The following GRIA1 variants were observed in gnomAD, a reference collection of about 807,000 sequenced individuals.
GRIA1 encodes glutamate receptor 1.
A neutral mutation model predicts 99.2 loss-of-function variants in GRIA1; 31 were observed. The observed-to-expected ratio is 0.31, with a 90% CI of 0.23 to 0.42. The LOEUF (loss-of-function observed/expected upper bound fraction) is 0.42. GRIA1 is among the 10% of genes least tolerant of loss of function. The probability of loss-of-function intolerance (pLI) is 1.00; values close to 1 mark genes in which losing one functional copy is unlikely to be tolerated. For missense variants in GRIA1, 782 were observed against 1,157.5 expected (o/e 0.68, Z 4.71); for synonymous variants, 438 against 432.4 (o/e 1.01, Z -0.16).
At chr5:153,650,036 A>G (rs1405679182) in intron 3 of GRIA1, among the ~76,000 whole-genome samples, 1 of 152,190 alleles carries the variant, frequency 6.6e-6, no homozygotes, top group Non-Finnish European at 1.5e-5. Context: ...ACCACACTTT[A>G]CCTTTGAAGA....
At chr5:153,539,133 A>G (rs908303159) in intron 2 of GRIA1, among the ~76,000 whole-genome samples, 1 of 152,224 alleles carries the variant, frequency 6.6e-6, no homozygotes, top group East Asian at 1.9e-4. Flanking sequence ...TGTATTTATC[A>G]TATCTGTGCA....
intron 2 of GRIA1, among the ~76,000 whole-genome samples, chr5:153,524,410 T>C (rs1263606844): frequency 6.6e-6 from 1 of 152,130 alleles, no homozygotes; most frequent in African/African-American, 2.4e-5. Flanking sequence ...AAGATTATGC[T>C]TTGAGAAATC....
chr5:153,523,057 C>G (rs1209089002), intron 2 of GRIA1, among the ~76,000 whole-genome samples: 1 of 128,634 alleles, frequency 7.8e-6, no homozygotes, highest in Non-Finnish European at 1.7e-5. Flanking sequence ...AATGATCCAT[C>G]TTGCAGACCT....
At chr5:153,693,539 G>A (rs1008582691) in intron 8 of GRIA1, among the ~76,000 whole-genome samples, 5 of 152,250 alleles carry the variant, frequency 3.3e-5, no homozygotes, top group African/African-American at 1.2e-4. Flanking sequence ...GTGCAATATA[G>A]ATCAATTGAA....
intron 8 of GRIA1, 54 bp downstream of exon 8, chr5:153,686,383 C>A: frequency 7.6e-7 from 1 of 1,321,906 alleles, no homozygotes; most frequent in Non-Finnish European, 1.1e-6. Flanking sequence ...AGCAGGGACT[C>A]TGGCCAGAGC....
At chr5:153,512,236 C>T (rs1017078159) in intron 2 of GRIA1, among the ~76,000 whole-genome samples, 3 of 152,086 alleles carry the variant, frequency 2.0e-5, no homozygotes, top group Admixed American at 2.0e-4. Flanking sequence ...CTATTTATTA[C>T]AGAAATTATA....
chr5:153,524,258 C>T (rs996643760), intron 2 of GRIA1, among the ~76,000 whole-genome samples: 9 of 152,216 alleles, frequency 5.9e-5, no homozygotes, highest in South Asian at 4.2e-4. Flanking sequence ...ACCTTGGAGG[C>T]GGAGGTTGCA....
chr5:153,564,224 G>A (rs1761415353), intron 2 of GRIA1, among the ~76,000 whole-genome samples: 1 of 152,154 alleles, frequency 6.6e-6, no homozygotes, highest in African/African-American at 2.4e-5. Context: ...TGTTTGCCAG[G>A]GTAAATATTC....
chr5:153,778,190 AGAGTGTGTGTGT>A (rs1402386163), intron 13 of GRIA1, among the ~76,000 whole-genome samples: 45 of 141,572 alleles, frequency 3.2e-4, no homozygotes, highest in East Asian at 1.1e-3. Flanking sequence ...AGAGAGAGAG[AGAGTGTGTGTGT>A]GTGTGTGTGT....
At chr5:153,705,427 A>G (rs1225003421) in intron 10 of GRIA1, among the ~76,000 whole-genome samples, 2 of 152,138 alleles carry the variant, frequency 1.3e-5, no homozygotes, top group Non-Finnish European at 2.9e-5. Context: ...AGATACCACA[A>G]CAGCTTCCTT....
intron 2 of GRIA1, among the ~76,000 whole-genome samples, chr5:153,548,266 A>G (rs1581211623): frequency 6.6e-6 from 1 of 152,210 alleles, no homozygotes; most frequent in Non-Finnish European, 1.5e-5. Context: ...GTTCATAAAA[A>G]TTAGCTCAGC....
At chr5:153,793,016 G>C (rs1461266353) in intron 13 of GRIA1, among the ~76,000 whole-genome samples, 2 of 152,146 alleles carry the variant, frequency 1.3e-5, no homozygotes, top group Non-Finnish European at 2.9e-5. Flanking sequence ...CCACAGTCTA[G>C]TTAGCTGCCC....
At chr5:153,504,904 A>G (rs1755346674) in intron 2 of GRIA1, among the ~76,000 whole-genome samples, 1 of 151,894 alleles carries the variant, frequency 6.6e-6, no homozygotes, top group African/African-American at 2.4e-5. Context: ...TTGTGCACAA[A>G]CTCTTTAACA....
chr5:153,769,934 GTAAT>G (rs1274264346), intron 12 of GRIA1, among the ~76,000 whole-genome samples: 1 of 152,074 alleles, frequency 6.6e-6, no homozygotes, highest in African/African-American at 2.4e-5. Flanking sequence ...TTACTCAGAA[GTAAT>G]TAAAAGATCT....
chr5:153,645,705 G>A (rs1353140251), intron 2 of GRIA1, among the ~76,000 whole-genome samples: 1 of 152,134 alleles, frequency 6.6e-6, no homozygotes, highest in Non-Finnish European at 1.5e-5. Context: ...GTCGCATACT[G>A]TAATTTGAGA....
At position 153,566,304 on chromosome 5, in the gene GRIA1, C is replaced by CCTTT. The variant is rs537995524; in HGVS notation, c.220+72239_220+72240insCTTT. ...GAGAAATAGCTCTCCAATTCCCTGC[C>CCTTT]TTTTTTTTTTTTTTTTCCAGAGACA... On this transcript the variant is annotated intron_variant, in intron 2 of 15. Transcript: ENST00000285900. 1.6e-3 allele frequency among the ~76,000 whole-genome samples: 59 copies of CCTTT among 36,562 alleles called. 3 individuals are homozygous for CCTTT. Among genetic ancestry groups the CCTTT allele is most frequent in the African/African-American group, 4.5e-3 (59 of 13,104 alleles). 24.0% of individuals were successfully genotyped at this position (36,562 alleles called of 152,430 possible).
At chr5:153,658,758 A>G (rs1407335766) in intron 5 of GRIA1, among the ~76,000 whole-genome samples, 1 of 152,204 alleles carries the variant, frequency 6.6e-6, no homozygotes, top group Non-Finnish European at 1.5e-5. Context: ...GAAAGGTTTA[A>G]CAAAAGGAGG....
rs145763921 is a variant in GRIA1, at chr5:153,515,906, G to A, written c.220+21841G>A. ...TGGTCAATGGACAAACAGATGAAGG[G>A]TTGCATAGATGAATAGAAGTCTACC... On this transcript the variant is annotated intron_variant, in intron 2 of 15. Transcript: ENST00000285900. 8.0e-4 allele frequency among the ~76,000 whole-genome samples: 122 copies of A among 152,242 alleles called. 1 individual carries two copies. In the South Asian group the frequency reaches 8.3e-3, roughly 10 times the overall value.
rs190851534 is a variant in GRIA1 at position 153,659,094 on chromosome 5, A to G, written c.699+3222A>G. On this transcript the variant is annotated intron_variant, in intron 5 of 15. Coordinates refer to ENST00000285900, the MANE Select transcript of GRIA1 (RefSeq NM_000827.4). ...CCTCAGTTTCCTCATCTGTCAATTG[A>G]GAACAATAATTCCTACTCTACCTAC... 1.5e-4 allele frequency among the ~76,000 whole-genome samples: 23 copies of G among 152,254 alleles called. No homozygotes were observed. The East Asian group carries it at 4.1e-3, about 27-fold the overall frequency.
Sources: allele counts gnomAD v4.1 joint callset (sites outside exome capture counted in the v4.1 genomes callset), GRCh38; gene constraint gnomAD v4.1.1; transcripts MANE v1.5; gene names NCBI Gene and HGNC (gene_info 2026-07-23, HGNC 2026-07-21).